Variants in GRM7 observed in about 807,000 individuals in gnomAD.
The protein encoded by GRM7 is metabotropic glutamate receptor 7.
GRM7 carries 35 observed loss-of-function variants against 84.5 expected under a neutral mutation model. That is an observed-to-expected ratio of 0.41 (90% CI 0.32 to 0.55). The LOEUF (loss-of-function observed/expected upper bound fraction) is 0.55, where lower values mean the gene tolerates loss of function less well. GRM7 is among the 20% of genes least tolerant of loss of function. The pLI is 0.19. For missense variants in GRM7, 1,003 were observed against 1,194.6 expected, an observed-to-expected ratio of 0.84 and a Z score of 2.36; for synonymous variants, 487 against 455.1, an observed-to-expected ratio of 1.07 and a Z score of -0.89.
Position 7,064,479 on chromosome 3 carries a change from T to TATATGTATATATATATATATAC in GRM7, c.520-81972_520-81971insTATGTATATATATATATATACA. Reference sequence around the variant, plus strand: ...ATATATATACATATATATATATATATACACACATATACATATATATATACA... The same window carrying TATATGTATATATATATATATAC: ...ATATATATACATATATATATATATATATATGTATATATATATATATACACACACATATACATATATATATACA... On this transcript the variant is annotated intron_variant, in intron 1 of 9. Coordinates refer to ENST00000357716, the MANE Select transcript of GRM7 (RefSeq NM_000844.4). Among the ~76,000 whole-genome samples, 26 of 99,380 alleles carry TATATGTATATATATATATATAC rather than the reference T, an allele frequency of 2.6e-4. 3 individuals are homozygous for TATATGTATATATATATATATAC. The highest frequency in any genetic ancestry group is 1.0e-3 in the African/African-American group (26 of 25,722). The allele number at this position is 99,380 out of a possible 152,430, so 65.2% of individuals were successfully genotyped here. A position where few individuals can be genotyped will look rare whatever the true frequency, so the allele number is the denominator to read the frequency against.
intron 1 of GRM7, among the ~76,000 whole-genome samples, chr3:7,055,522 T>G: frequency 1.3e-5 from 2 of 149,220 alleles, no homozygotes; most frequent in African/African-American, 5.0e-5. Context: ...TATATATATA[T>G]ACATACACAC....
At chr3:7,658,147 C>T (rs1446005202) in intron 8 of GRM7, among the ~76,000 whole-genome samples, 1 of 152,176 alleles carries the variant, frequency 6.6e-6, no homozygotes, top group Non-Finnish European at 1.5e-5. Flanking sequence ...TGTGTGTATA[C>T]ATCCATGTAA....
At chr3:7,623,331 TA>T (rs1682679168) in intron 8 of GRM7, among the ~76,000 whole-genome samples, 1 of 152,186 alleles carries the variant, frequency 6.6e-6, no homozygotes, top group Non-Finnish European at 1.5e-5. Flanking sequence ...TAGTTTCTTC[TA>T]CCAATCCAAT....
chr3:7,461,297 A>C (rs1698237133), intron 6 of GRM7, among the ~76,000 whole-genome samples: 1 of 152,222 alleles, frequency 6.6e-6, no homozygotes, highest in Admixed American at 6.5e-5. Context: ...TATAGGTTTT[A>C]TTCCTCAGAA....
intron 4 of GRM7, among the ~76,000 whole-genome samples, chr3:7,399,384 C>G (rs567231451): frequency 6.6e-6 from 1 of 152,222 alleles, no homozygotes; most frequent in African/African-American, 2.4e-5. Flanking sequence ...TCAACTGCTG[C>G]TATAATTGAG....
chr3:7,068,937 T>C (rs1026548600), intron 1 of GRM7, among the ~76,000 whole-genome samples: 2 of 151,914 alleles, frequency 1.3e-5, no homozygotes, highest in African/African-American at 4.8e-5. Flanking sequence ...TCTTTACTTT[T>C]AGTTCTGCTT....
chr3:7,157,713 CA>C (rs1459243199), intron 2 of GRM7, among the ~76,000 whole-genome samples: 4 of 112,978 alleles, frequency 3.5e-5, no homozygotes, highest in African/African-American at 7.9e-5. Context: ...AATGCTATTT[CA>C]TTTTTTTTTT....
chr3:7,724,603 T>A (rs1026640763), intron 9 of GRM7, among the ~76,000 whole-genome samples: 3 of 152,124 alleles, frequency 2.0e-5, no homozygotes, highest in Non-Finnish European at 4.4e-5. Context: ...TTTGCATCTA[T>A]CTCAAAAAGA....
At chr3:7,135,594 A>G (rs1366689796) in intron 1 of GRM7, among the ~76,000 whole-genome samples, 2 of 152,184 alleles carry the variant, frequency 1.3e-5, no homozygotes, top group African/African-American at 4.8e-5. Flanking sequence ...TTCGCCTTCC[A>G]AAAAGTAAGA....
intron 1 of GRM7, among the ~76,000 whole-genome samples, chr3:6,864,772 G>T (rs1694885263): frequency 6.6e-6 from 1 of 152,316 alleles, no homozygotes; most frequent in South Asian, 2.1e-4. Flanking sequence ...GAAGGAGGGA[G>T]AAATGAGATG....
chr3:7,496,284 C>A (rs1211968217), intron 7 of GRM7, among the ~76,000 whole-genome samples: 1 of 152,110 alleles, frequency 6.6e-6, no homozygotes, highest in Non-Finnish European at 1.5e-5. Context: ...TCAATGGGGA[C>A]AACTAGACAC....
intron 2 of GRM7, among the ~76,000 whole-genome samples, chr3:7,286,992 G>T (rs151282343): frequency 6.6e-6 from 1 of 152,226 alleles, no homozygotes; most frequent in East Asian, 1.9e-4. Flanking sequence ...GGCACAGTTT[G>T]GGGTAAATTA....
Position 7,012,324 on chromosome 3 carries a change from AC to A in GRM7, c.520-134126del, listed in dbSNP as rs780769843. On this transcript the variant is annotated intron_variant, in intron 1 of 9. Transcript: ENST00000357716. ...TTTGGTTTTTAAAGGGCATTTGAAAACCTGGAAATCTTTTTTCAATTATGTA... is the reference window on the plus strand; with the variant it reads ...TTTGGTTTTTAAAGGGCATTTGAAAACTGGAAATCTTTTTTCAATTATGTA... 5.8e-4 allele frequency among the ~76,000 whole-genome samples: 88 copies of A among 152,102 alleles called. 1 individual carries two copies. Among genetic ancestry groups the A allele is most frequent in the Non-Finnish European group, 9.7e-4 (66 of 68,012 alleles).
At chr3:7,446,632 G>T (rs1201901054) in intron 5 of GRM7, among the ~76,000 whole-genome samples, 1 of 151,722 alleles carries the variant, frequency 6.6e-6, no homozygotes, top group Non-Finnish European at 1.5e-5. Flanking sequence ...GCTAATTTTT[G>T]TGTATTTGGT....
intron 9 of GRM7, among the ~76,000 whole-genome samples, chr3:7,690,671 A>G (rs1008730966): frequency 1.3e-5 from 2 of 152,214 alleles, no homozygotes; most frequent in Non-Finnish European, 2.9e-5. Flanking sequence ...TTCATGGGCC[A>G]CAGATATCTA....
intron 1 of GRM7, among the ~76,000 whole-genome samples, chr3:6,875,608 T>C (rs976107790): frequency 3.3e-5 from 5 of 152,238 alleles, no homozygotes; most frequent in African/African-American, 1.2e-4. Context: ...GTCTTGGGTA[T>C]GTCTTTATTA....
intron 7 of GRM7, among the ~76,000 whole-genome samples, chr3:7,571,665 G>C (rs1379861527): frequency 3.9e-5 from 6 of 152,112 alleles, no homozygotes; most frequent in Non-Finnish European, 8.8e-5. Context: ...CCTCCAAACT[G>C]TTCCAACCTC....
intron 4 of GRM7, among the ~76,000 whole-genome samples, chr3:7,343,266 C>G (rs750195310): frequency 9.6e-4 from 146 of 152,238 alleles, no homozygotes; most frequent in African/African-American, 3.3e-3. Context: ...CAGTGTCTCA[C>G]TCTGTTGCCC....
chr3:7,260,103 G>C (rs1187220367), intron 2 of GRM7, among the ~76,000 whole-genome samples: 1 of 151,502 alleles, frequency 6.6e-6, no homozygotes, highest in Admixed American at 6.6e-5. Flanking sequence ...CTTTTGAAAA[G>C]TGTCTGTTCA....
Sources: gnomAD v4.1 joint callset for allele counts (sites outside exome capture counted in the v4.1 genomes callset) on GRCh38, gnomAD v4.1.1 for gene constraint, MANE v1.5 for transcripts, NCBI Gene and HGNC (gene_info 2026-07-23, HGNC 2026-07-21) for gene names.